Variants in FHIT observed in about 807,000 individuals in gnomAD.
FHIT encodes bis(5'-adenosyl)-triphosphatase.
FHIT carries 19 observed loss-of-function variants against 17.9 expected under a neutral mutation model. That is an observed-to-expected ratio of 1.06 (90% CI 0.74 to 1.56). The LOEUF (loss-of-function observed/expected upper bound fraction) is 1.56, where lower values mean the gene tolerates loss of function less well. FHIT is among the 40% of genes most tolerant of loss of function. The pLI is 0.00. For synonymous variants in FHIT, 81 were observed against 69.7 expected (o/e 1.16, Z -0.81); for missense variants, 248 against 189.2 (o/e 1.31, Z -1.82).
Position 60,448,032 on chromosome 3 carries a change from A to G in FHIT, c.103+88828T>C, listed in dbSNP as rs146183810. Among the ~76,000 whole-genome samples the G allele has an allele frequency of 7.1e-3, 1,076 of 152,294 alleles. 11 individuals carry two copies. Among genetic ancestry groups the G allele is most frequent in the Middle Eastern group, 0.037 (11 of 294 alleles). ...ATTACCCTGTTAGATCATCTCATCA[A>G]TGAATTCAGGGGCCCTCTATTATGT... On this transcript the variant is annotated intron_variant, in intron 5 of 9. Coordinates refer to ENST00000492590, the MANE Select transcript of FHIT (RefSeq NM_002012.4).
intron 4 of FHIT, among the ~76,000 whole-genome samples, chr3:60,555,369 G>T (rs777257745): frequency 6.6e-6 from 1 of 152,178 alleles, no homozygotes; most frequent in Non-Finnish European, 1.5e-5. Flanking sequence ...CCCAACTTCA[G>T]CAGAGATGCC....
At chr3:60,385,030 G>C (rs995118063) in intron 5 of FHIT, among the ~76,000 whole-genome samples, 4 of 152,092 alleles carry the variant, frequency 2.6e-5, no homozygotes, top group Non-Finnish European at 5.9e-5. Flanking sequence ...AAAATGAAGA[G>C]ATACGTTGCT....
At chr3:61,245,774 A>G (rs888545753) in intron 1 of FHIT, among the ~76,000 whole-genome samples, 1 of 152,218 alleles carries the variant, frequency 6.6e-6, no homozygotes, top group Non-Finnish European at 1.5e-5. Flanking sequence ...GAATGGCTAC[A>G]TCAAGCTAAT....
chr3:60,495,051 G>A (rs1181860912), intron 5 of FHIT, among the ~76,000 whole-genome samples: 2 of 152,148 alleles, frequency 1.3e-5, no homozygotes, highest in African/African-American at 4.8e-5. Flanking sequence ...CCTCCAAACT[G>A]TTCTCCTTAG....
chr3:59,822,041 C>G (rs1227760297), intron 8 of FHIT, among the ~76,000 whole-genome samples: 1 of 152,176 alleles, frequency 6.6e-6, no homozygotes, highest in Non-Finnish European at 1.5e-5. Context: ...TGACTGAGAA[C>G]ATACAATGTT....
At chr3:61,036,532 C>A (rs1270095398) in intron 3 of FHIT, among the ~76,000 whole-genome samples, 2 of 152,182 alleles carry the variant, frequency 1.3e-5, no homozygotes, top group South Asian at 4.1e-4. Flanking sequence ...TCTGCTTTTA[C>A]TAGACTAGGC....
At chr3:59,947,225 C>G (rs967648624) in intron 7 of FHIT, among the ~76,000 whole-genome samples, 3 of 152,134 alleles carry the variant, frequency 2.0e-5, no homozygotes, top group African/African-American at 7.2e-5. Context: ...CCGTTTCTTC[C>G]CGGTTCAATC....
At chr3:60,977,134 T>A (rs559307261) in intron 3 of FHIT, among the ~76,000 whole-genome samples, 2 of 152,204 alleles carry the variant, frequency 1.3e-5, no homozygotes, top group Non-Finnish European at 2.9e-5. Flanking sequence ...TCTTTTGTCT[T>A]CTTTCTGCTT....
intron 4 of FHIT, among the ~76,000 whole-genome samples, chr3:60,743,983 C>A (rs377430509): frequency 6.6e-6 from 1 of 152,242 alleles, no homozygotes; most frequent in East Asian, 1.9e-4. Flanking sequence ...ACAATGACTT[C>A]CCCTGCAGTG....
intron 5 of FHIT, among the ~76,000 whole-genome samples, chr3:60,470,399 C>A (rs937430831): frequency 5.3e-5 from 8 of 152,018 alleles, no homozygotes; most frequent in African/African-American, 1.9e-4. Context: ...TCTATTCTAC[C>A]GCAGCTAAGC....
intron 3 of FHIT, among the ~76,000 whole-genome samples, chr3:61,008,825 A>G (rs1004864356): frequency 6.6e-6 from 1 of 152,210 alleles, no homozygotes; most frequent in Non-Finnish European, 1.5e-5. Flanking sequence ...GTGCATTCTG[A>G]TATCATGTGA....
intron 5 of FHIT, among the ~76,000 whole-genome samples, chr3:60,037,679 G>A (rs1701276187): frequency 1.3e-5 from 2 of 150,612 alleles, no homozygotes; most frequent in Admixed American, 1.3e-4. Flanking sequence ...ACTGCACCCG[G>A]CCTAAAACCA....
chr3:59,932,081 A>G (rs1193281138), intron 7 of FHIT, among the ~76,000 whole-genome samples: 3 of 152,170 alleles, frequency 2.0e-5, no homozygotes, highest in African/African-American at 7.2e-5. Flanking sequence ...CAAGGTGGAA[A>G]TCATTGGCAA....
At chr3:60,594,236 T>C (rs1171095243) in intron 4 of FHIT, among the ~76,000 whole-genome samples, 2 of 151,848 alleles carry the variant, frequency 1.3e-5, no homozygotes, top group Middle Eastern at 3.4e-3. Context: ...AACTCAAATC[T>C]GGCCAGGCCG....
chr3:60,767,343 G>A (rs1699893229), intron 4 of FHIT, among the ~76,000 whole-genome samples: 1 of 152,130 alleles, frequency 6.6e-6, no homozygotes, highest in Non-Finnish European at 1.5e-5. Flanking sequence ...GTTTCTATCA[G>A]CAAGCCTATA....
At chr3:60,986,732 C>G (rs2107569614) in intron 3 of FHIT, among the ~76,000 whole-genome samples, 1 of 152,268 alleles carries the variant, frequency 6.6e-6, no homozygotes, top group African/African-American at 2.4e-5. Flanking sequence ...ACCACACACT[C>G]AAGAACTCAA....
At chr3:60,257,989 C>T (rs1479459769) in intron 5 of FHIT, among the ~76,000 whole-genome samples, 1 of 151,558 alleles carries the variant, frequency 6.6e-6, no homozygotes, top group Non-Finnish European at 1.5e-5. Flanking sequence ...AGAAAACCAC[C>T]ATGGCACATG....
In FHIT at chr3:60,592,440, G is replaced by A. The variant is rs555690051; in HGVS notation, c.-17-55461C>T. Among the ~76,000 whole-genome samples, 47 of 152,158 alleles carry A rather than the reference G, an allele frequency of 3.1e-4. No homozygotes were observed. The South Asian group carries it at 9.5e-3, about 31-fold the overall frequency. On this transcript the variant is annotated intron_variant, in intron 4 of 9. Coordinates refer to ENST00000492590, the MANE Select transcript of FHIT (RefSeq NM_002012.4). Reference sequence around the variant, plus strand: ...AGCAGACATGGTCTAATTTGCTCATGTAAGTCTGAGGACCAGCAGACCAGA... The same window carrying A: ...AGCAGACATGGTCTAATTTGCTCATATAAGTCTGAGGACCAGCAGACCAGA...
chr3:60,824,543 A>G (rs781798746), intron 3 of FHIT, among the ~76,000 whole-genome samples: 10 of 152,200 alleles, frequency 6.6e-5, no homozygotes, highest in Admixed American at 3.3e-4. Flanking sequence ...TCATGATTCA[A>G]AGAAGGAACA....
Sources: allele counts gnomAD v4.1 joint callset (sites outside exome capture counted in the v4.1 genomes callset), GRCh38; gene constraint gnomAD v4.1.1; transcripts MANE v1.5; gene names NCBI Gene and HGNC (gene_info 2026-07-23, HGNC 2026-07-21).